Variants in CLSTN2 observed in about 807,000 individuals in gnomAD.
CLSTN2 encodes the protein calsyntenin 2.
In CLSTN2, 48 loss-of-function variants were observed where a neutral mutation model predicts 101.2. The observed-to-expected ratio is 0.47, with a 90% CI of 0.38 to 0.60. The LOEUF is 0.60. Among genes scored for constraint, CLSTN2 ranks in the 20% least tolerant of loss-of-function variants. The pLI is 0.00. For synonymous variants in CLSTN2, 481 were observed against 463.6 expected (o/e 1.04, Z -0.48); for missense variants, 1,160 against 1,238.2 (o/e 0.94, Z 0.95).
intron 1 of CLSTN2, among the ~76,000 whole-genome samples, chr3:140,020,998 C>G (rs1560071929): frequency 6.6e-6 from 1 of 152,192 alleles, no homozygotes; most frequent in African/African-American, 2.4e-5. Flanking sequence ...GCTCCCTTCT[C>G]CACCCAGCAC....
chr3:140,427,832 G>T (rs184662609), intron 5 of CLSTN2, among the ~76,000 whole-genome samples: 97 of 152,300 alleles, frequency 6.4e-4, no homozygotes, highest in African/African-American at 2.2e-3. Flanking sequence ...CGATTTGTGA[G>T]ATTTTGGTGG....
At position 140,379,346 on chromosome 3, in the gene CLSTN2, G is replaced by A. The variant is rs74585762; in HGVS notation, c.233-24283G>A. Among the ~76,000 whole-genome samples the A allele has an allele frequency of 1.0e-3, 153 of 152,310 alleles. 4 individuals are homozygous for A. The East Asian group carries it at 0.028, about 28-fold the overall frequency. On this transcript the variant is annotated intron_variant, in intron 2 of 16. Transcript: ENST00000458420. ...AGAGTACCCTAGGAGACTGATCCAG[G>A]GGAGGTCACAGTCATCGTGGAGGTT...
chr3:140,265,882 C>T (rs901073964), intron 2 of CLSTN2, among the ~76,000 whole-genome samples: 7 of 152,082 alleles, frequency 4.6e-5, no homozygotes, highest in South Asian at 4.1e-4. Context: ...TGATATGATC[C>T]GATAAATTCA....
At chr3:140,456,332 G>A (rs959196476) in intron 6 of CLSTN2, among the ~76,000 whole-genome samples, 3 of 152,158 alleles carry the variant, frequency 2.0e-5, no homozygotes, top group African/African-American at 7.2e-5. Flanking sequence ...GCCATCCTGG[G>A]CTCACTCTGC....
Position 140,005,947 on chromosome 3 carries a change from G to A in CLSTN2, c.109+70464G>A, listed in dbSNP as rs75253382. Among the ~76,000 whole-genome samples, 1,502 of 152,320 alleles carry A rather than the reference G, an allele frequency of 9.9e-3. 29 individuals carry two copies. Among genetic ancestry groups the A allele is most frequent in the African/African-American group, 0.034 (1,403 of 41,570 alleles). The stretch of plus-strand genomic sequence containing the variant: ...TGATAGCCAACACTCTCTAATGTAG[G>A]CAGCTTAGTCTGAACAATATTGTAT... On this transcript the variant is annotated intron_variant, in intron 1 of 16. Transcript: ENST00000458420.
At chr3:140,255,092 A>G (rs911186913) in intron 2 of CLSTN2, among the ~76,000 whole-genome samples, 12 of 152,224 alleles carry the variant, frequency 7.9e-5, no homozygotes, top group African/African-American at 2.9e-4. Context: ...AATCAAAACC[A>G]GAATGAGATA....
At chr3:140,369,147 C>G (rs2087824312) in intron 2 of CLSTN2, among the ~76,000 whole-genome samples, 1 of 152,164 alleles carries the variant, frequency 6.6e-6, no homozygotes, top group Non-Finnish European at 1.5e-5. Flanking sequence ...ATAAATGAGT[C>G]TCTGGCTAGA....
intron 2 of CLSTN2, among the ~76,000 whole-genome samples, chr3:140,183,787 C>T (rs1167282925): frequency 6.6e-6 from 1 of 152,150 alleles, no homozygotes; most frequent in East Asian, 1.9e-4. Flanking sequence ...TTTGCACACA[C>T]TATATCATAA....
intron 8 of CLSTN2, among the ~76,000 whole-genome samples, chr3:140,481,942 C>A (rs1270376181): frequency 1.3e-5 from 2 of 152,138 alleles, no homozygotes; most frequent in Non-Finnish European, 2.9e-5. Context: ...CCCTTTATTT[C>A]TTTCTCCTGC....
At chr3:140,327,714 A>G (rs1305420601) in intron 2 of CLSTN2, among the ~76,000 whole-genome samples, 1 of 152,192 alleles carries the variant, frequency 6.6e-6, no homozygotes, top group East Asian at 1.9e-4. Context: ...TGTAACTGCA[A>G]AGCCTACCTC....
At chr3:140,047,329 C>G (rs193234156) in intron 1 of CLSTN2, among the ~76,000 whole-genome samples, 1 of 152,112 alleles carries the variant, frequency 6.6e-6, no homozygotes, top group Admixed American at 6.5e-5. Flanking sequence ...TAGTTTCCCA[C>G]AAATGATATA....
intron 1 of CLSTN2, among the ~76,000 whole-genome samples, chr3:140,004,959 G>C (rs932457217): frequency 2.6e-5 from 4 of 152,218 alleles, no homozygotes; most frequent in African/African-American, 9.7e-5. Context: ...TGGGACCACA[G>C]TTTATGATTC....
rs148695872 is a variant in CLSTN2, at chr3:140,310,506, G to A, written c.233-93123G>A. Among the ~76,000 whole-genome samples the A allele has an allele frequency of 8.8e-3, 1,332 of 152,218 alleles. 9 individuals carry two copies. The highest frequency in any genetic ancestry group is 0.013 in the Non-Finnish European group (894 of 68,014). On this transcript the variant is annotated intron_variant, in intron 2 of 16. Transcript: ENST00000458420. The stretch of plus-strand genomic sequence containing the variant: ...CATTTCAGTAATGGTGACCTCTGTG[G>A]GACTGTCATCAATGTCTGCAAGCAG...
intron 5 of CLSTN2, among the ~76,000 whole-genome samples, chr3:140,439,027 T>A (rs537696304): frequency 3.9e-5 from 6 of 152,304 alleles, no homozygotes; most frequent in African/African-American, 1.4e-4. Context: ...AAAGGAGGGC[T>A]TGGCACAGGC....
chr3:139,981,913 C>T (rs1935930951), intron 1 of CLSTN2, among the ~76,000 whole-genome samples: 5 of 152,236 alleles, frequency 3.3e-5, no homozygotes, highest in Admixed American at 2.6e-4. Context: ...AAGGCTGCCC[C>T]ACCCTGACCC....
In CLSTN2 at chr3:140,481,658, C is replaced by T. The variant is rs867343540; in HGVS notation, c.1344+14927C>T. 1.8e-4 allele frequency among the ~76,000 whole-genome samples: 28 copies of T among 152,054 alleles called. No homozygotes were observed. In the South Asian group the frequency reaches 2.9e-3, roughly 16 times the overall value. On this transcript the variant is annotated intron_variant, in intron 8 of 16. Coordinates refer to ENST00000458420, the MANE Select transcript of CLSTN2 (RefSeq NM_022131.3). ...GTTTGTAGTTCTCCTTGAAGAGGTC[C>T]TTCACATCCCTTGTAAGTTGGATTC...
intron 2 of CLSTN2, among the ~76,000 whole-genome samples, chr3:140,189,128 G>C (rs1369617332): frequency 1.3e-5 from 2 of 152,188 alleles, no homozygotes; most frequent in African/African-American, 4.8e-5. Flanking sequence ...TTGTTGAGTG[G>C]TAGTCCATGG....
intron 8 of CLSTN2, among the ~76,000 whole-genome samples, chr3:140,522,459 T>C (rs1935050295): frequency 6.6e-6 from 1 of 152,250 alleles, no homozygotes; most frequent in Non-Finnish European, 1.5e-5. Context: ...CTCTGTTTCA[T>C]GAAATGAAGG....
chr3:140,195,585 C>T (rs1255447404), intron 2 of CLSTN2, among the ~76,000 whole-genome samples: 1 of 151,858 alleles, frequency 6.6e-6, no homozygotes, highest in African/African-American at 2.4e-5. Flanking sequence ...AAAGGCAAGC[C>T]CAAGGCTGCC....
Sources: gnomAD v4.1 joint callset for allele counts (sites outside exome capture counted in the v4.1 genomes callset) on GRCh38, gnomAD v4.1.1 for gene constraint, MANE v1.5 for transcripts, NCBI Gene and HGNC (gene_info 2026-07-23, HGNC 2026-07-21) for gene names.